LARGE1: variants seen among roughly 807,000 people sequenced by gnomAD.
LARGE1 encodes LARGE xylosyl- and glucuronyltransferase 1, also known as xylosyl- and glucuronyltransferase LARGE1.
Under a neutral mutation model 87.6 loss-of-function variants are expected in LARGE1, and 43 were observed. The ratio of observed to expected loss-of-function variants is 0.49; its 90% CI spans 0.38 to 0.63. LARGE1 has a LOEUF of 0.63. LARGE1 is among the 30% of genes least tolerant of loss of function. The probability of loss-of-function intolerance (pLI) is 0.00; values close to 1 mark genes in which losing one functional copy is unlikely to be tolerated. For missense variants in LARGE1, 802 were observed against 1,000.2 expected (o/e 0.80, Z 2.67); for synonymous variants, 434 against 394.6 (o/e 1.10, Z -1.18).
intron 4 of LARGE1, 112 bp from the exon 5 acceptor site, chr22:33,604,670 A>G: frequency 7.3e-7 from 1 of 1,363,722 alleles, no homozygotes; most frequent in Non-Finnish European, 1.0e-6. Flanking sequence ...TCTAACGGCA[A>G]TTGTGAAAGT....
intron 6 of LARGE1, among the ~76,000 whole-genome samples, chr22:33,521,476 C>T (rs2071590940): frequency 6.6e-6 from 1 of 152,244 alleles, no homozygotes; most frequent in Non-Finnish European, 1.5e-5. Context: ...GGCAGACAGG[C>T]TCCCAGAGTG....
At chr22:33,502,657 C>T (rs1240284721) in intron 6 of LARGE1, among the ~76,000 whole-genome samples, 1 of 151,992 alleles carries the variant, frequency 6.6e-6, no homozygotes, top group South Asian at 2.1e-4. Flanking sequence ...CAAGCTCCGC[C>T]TCCAGGGTCC....
intron 2 of LARGE1, among the ~76,000 whole-genome samples, chr22:33,750,152 C>T (rs527309650): frequency 2.0e-5 from 3 of 152,246 alleles, no homozygotes; most frequent in South Asian, 2.1e-4. Context: ...GAAGCTCTTC[C>T]CTCTCAATTC....
intron 1 of LARGE1, among the ~76,000 whole-genome samples, chr22:33,910,957 C>T (rs529413416): frequency 1.3e-5 from 2 of 152,310 alleles, no homozygotes; most frequent in Admixed American, 6.5e-5. Context: ...TGAACAGCTG[C>T]GAGTTGAGTC....
chr22:33,564,217 C>G (rs2077952269), intron 6 of LARGE1, among the ~76,000 whole-genome samples: 1 of 151,904 alleles, frequency 6.6e-6, no homozygotes, highest in Non-Finnish European at 1.5e-5. Flanking sequence ...AAATAACAGC[C>G]TAAGATTTGT....
intron 5 of LARGE1, among the ~76,000 whole-genome samples, chr22:33,575,083 C>A (rs1259613706): frequency 6.6e-6 from 1 of 152,036 alleles, no homozygotes; most frequent in African/African-American, 2.4e-5. Context: ...TGTGGTAGGG[C>A]CTAGAAATCC....
chr22:33,250,548 T>C (rs1312424574), intron 11 of LARGE1, among the ~76,000 whole-genome samples: 1 of 152,216 alleles, frequency 6.6e-6, no homozygotes, highest in East Asian at 1.9e-4. Flanking sequence ...GTAATGCCAG[T>C]ATGATGCTGA....
intron 6 of LARGE1, among the ~76,000 whole-genome samples, chr22:33,484,040 G>T (rs1299940014): frequency 6.6e-6 from 1 of 152,164 alleles, no homozygotes; most frequent in Non-Finnish European, 1.5e-5. Context: ...GGGCCTCATT[G>T]CTACAAATAC....
At chr22:33,417,979 G>A (rs1474330994) in intron 7 of LARGE1, among the ~76,000 whole-genome samples, 1 of 151,870 alleles carries the variant, frequency 6.6e-6, no homozygotes, top group Admixed American at 6.6e-5. Context: ...ACAGAGTCTC[G>A]CTCTGTCGCC....
At chr22:33,115,837 A>T in the LARGE1 span, among the ~76,000 whole-genome samples, 196 of 134,856 alleles carry the variant, frequency 1.5e-3, 1 homozygote, top group African/African-American at 4.9e-3. Flanking sequence ...AAAAAAAAAG[A>T]GATACCAGGG....
intron 2 of LARGE1, among the ~76,000 whole-genome samples, chr22:33,710,547 G>C (rs893311044): frequency 8.5e-5 from 13 of 152,234 alleles, no homozygotes; most frequent in African/African-American, 2.9e-4. Flanking sequence ...GACAGCAGCA[G>C]GTGCAGAGAG....
At chr22:33,652,539 A>C (rs1014049725) in intron 2 of LARGE1, among the ~76,000 whole-genome samples, 1 of 151,974 alleles carries the variant, frequency 6.6e-6, no homozygotes, top group Non-Finnish European at 1.5e-5. Flanking sequence ...CTCCAGCTAC[A>C]TTTACAGCCA....
chr22:33,524,910 T>C (rs567657445), intron 6 of LARGE1, among the ~76,000 whole-genome samples: 2 of 152,298 alleles, frequency 1.3e-5, no homozygotes, highest in African/African-American at 4.8e-5. Flanking sequence ...AAGTAGTTTG[T>C]TTTGGTAAAG....
chr22:33,516,753 C>T (rs1266275039), intron 6 of LARGE1, among the ~76,000 whole-genome samples: 1 of 152,020 alleles, frequency 6.6e-6, no homozygotes, highest in Non-Finnish European at 1.5e-5. Flanking sequence ...CCACGCCTGG[C>T]TAATTTATTT....
At chr22:33,460,355 C>G (rs2068323719) in intron 6 of LARGE1, among the ~76,000 whole-genome samples, 1 of 152,146 alleles carries the variant, frequency 6.6e-6, no homozygotes. Flanking sequence ...TTGCTAATTT[C>G]CTAACTCTGG....
chr22:33,127,133 C>A, the LARGE1 span, among the ~76,000 whole-genome samples: 4 of 152,154 alleles, frequency 2.6e-5, no homozygotes, highest in Non-Finnish European at 5.9e-5. Context: ...CAGATTTTTC[C>A]CATCATGTGG....
At chr22:33,619,796 C>T (rs1602749499) in intron 4 of LARGE1, among the ~76,000 whole-genome samples, 1 of 152,062 alleles carries the variant, frequency 6.6e-6, no homozygotes, top group African/African-American at 2.4e-5. Context: ...AATGCATTAC[C>T]ATCTGGAAAA....
At chr22:33,910,587 A>G (rs2065605431) in intron 1 of LARGE1, among the ~76,000 whole-genome samples, 1 of 152,148 alleles carries the variant, frequency 6.6e-6, no homozygotes, top group Non-Finnish European at 1.5e-5. Flanking sequence ...AGGCTCCTGA[A>G]TGGACGATGA....
chr22:33,449,811 C>T (rs891261936), intron 6 of LARGE1, among the ~76,000 whole-genome samples: 2 of 152,268 alleles, frequency 1.3e-5, no homozygotes, highest in South Asian at 2.1e-4. Context: ...ACCCACATTC[C>T]TGGCTGCCAG....
Sources: gnomAD v4.1 joint callset for allele counts (sites outside exome capture counted in the v4.1 genomes callset) on GRCh38, gnomAD v4.1.1 for gene constraint, MANE v1.5 for transcripts, NCBI Gene and HGNC (gene_info 2026-07-23, HGNC 2026-07-21) for gene names.